SDR42E2: variants seen among roughly 807,000 people sequenced by gnomAD.
SDR42E2 encodes the protein short chain dehydrogenase/reductase family 42E, member 2.
In SDR42E2, 20 loss-of-function variants were observed where a neutral mutation model predicts 10.5. That is an observed-to-expected ratio of 1.90 (90% CI 1.34 to 2.77). The LOEUF (loss-of-function observed/expected upper bound fraction) is 2.77. Among genes scored for constraint, SDR42E2 ranks in the 30% most tolerant of loss-of-function variants. The pLI, the probability that SDR42E2 is intolerant of heterozygous loss-of-function variation, is 0.00. For synonymous variants in SDR42E2, 72 were observed against 39.2 expected (o/e 1.84, Z -3.12); for missense variants, 162 against 104.2 (o/e 1.55, Z -2.42).
intron 8 of SDR42E2, among the ~76,000 whole-genome samples, chr16:22,179,869 G>T (rs549254218): frequency 1.3e-5 from 2 of 151,980 alleles, no homozygotes; most frequent in Admixed American, 6.6e-5. Flanking sequence ...AAAAAGCGAG[G>T]TAGGGTGAGG....
chr16:22,176,201 C>T (rs2046643924), intron 7 of SDR42E2, among the ~76,000 whole-genome samples: 1 of 152,132 alleles, frequency 6.6e-6, no homozygotes, highest in Admixed American at 6.5e-5. Flanking sequence ...TCACTGCAGC[C>T]TCAAAGTCTT....
At chr16:22,167,826 C>T (rs1394090479) in intron 4 of SDR42E2, among the ~76,000 whole-genome samples, 1 of 152,072 alleles carries the variant, frequency 6.6e-6, no homozygotes, top group African/African-American at 2.4e-5. Context: ...TTCCAAGGTG[C>T]AAAGCAGTGT....
chr16:22,163,033 G>C (rs540307273), intron 1 of SDR42E2, among the ~76,000 whole-genome samples: 3 of 152,288 alleles, frequency 2.0e-5, no homozygotes, highest in East Asian at 1.9e-4. Context: ...TCCAGGGAAT[G>C]AAATCCTCCT....
chr16:22,184,474 C>T (rs1437316408), intron 11 of SDR42E2, among the ~76,000 whole-genome samples: 1 of 151,996 alleles, frequency 6.6e-6, no homozygotes. Flanking sequence ...TGGTGGCGCA[C>T]GCCTGTATTC....
chr16:22,165,482 G>A (rs1415040544), intron 1 of SDR42E2, 65 bp from the exon 2 acceptor site: 1 of 399,200 alleles, frequency 2.5e-6, no homozygotes, highest in African/African-American at 2.1e-5. Flanking sequence ...AGTCCTAGAG[G>A]TCTAATAATT....
intron 2 of SDR42E2, 36 bp from the exon 3 acceptor site, chr16:22,166,214 C>T (rs1277535739): frequency 1.5e-5 from 6 of 407,242 alleles, no homozygotes; most frequent in Non-Finnish European, 2.6e-5. Context: ...GGGACTGGGC[C>T]CAGACCCAGT....
intron 12 of SDR42E2, among the ~76,000 whole-genome samples, chr16:22,189,504 G>T (rs777942132): frequency 1.7e-4 from 26 of 152,190 alleles, no homozygotes; most frequent in Non-Finnish European, 3.1e-4. Flanking sequence ...CAAATGCAGG[G>T]TGTGTGTTCC....
At chr16:22,166,217 G>T in intron 2 of SDR42E2, 33 bp from the exon 3 acceptor site, 2 of 406,076 alleles carry the variant, frequency 4.9e-6, no homozygotes, top group South Asian at 2.2e-4. Context: ...ACTGGGCCCA[G>T]ACCCAGTGAG....
At chr16:22,164,911 C>T (rs1287509737) in intron 1 of SDR42E2, among the ~76,000 whole-genome samples, 2 of 152,148 alleles carry the variant, frequency 1.3e-5, no homozygotes, top group Non-Finnish European at 1.5e-5. Context: ...TTTGGTACTC[C>T]ATGGAAACTG....
At chr16:22,169,874 T>C (rs2046580592) in intron 5 of SDR42E2, among the ~76,000 whole-genome samples, 1 of 151,274 alleles carries the variant, frequency 6.6e-6, no homozygotes, top group Non-Finnish European at 1.5e-5. Flanking sequence ...CTACTAAAAA[T>C]ACAAAAAATT....
At chr16:22,182,933 A>G (rs149096861) in intron 10 of SDR42E2, among the ~76,000 whole-genome samples, 2 of 152,040 alleles carry the variant, frequency 1.3e-5, no homozygotes, top group African/African-American at 2.4e-5. Context: ...TGAGCCCAGG[A>G]GTTCAAGGCT....
At chr16:22,172,395 C>T (rs952241048) in intron 7 of SDR42E2, 64 bp downstream of exon 7, 2 of 702,860 alleles carry the variant, frequency 2.8e-6, no homozygotes, top group African/African-American at 3.5e-5. Flanking sequence ...CTCCAAAATA[C>T]ATGTGTGATT....
intron 11 of SDR42E2, among the ~76,000 whole-genome samples, chr16:22,185,635 T>C (rs1205563139): frequency 6.6e-6 from 1 of 152,010 alleles, no homozygotes; most frequent in East Asian, 1.9e-4. Flanking sequence ...AGAGTTAGGG[T>C]CTTGCACTGC....
intron 8 of SDR42E2, among the ~76,000 whole-genome samples, chr16:22,178,481 A>G (rs2046664962): frequency 1.3e-5 from 2 of 152,338 alleles, no homozygotes; most frequent in South Asian, 2.1e-4. Flanking sequence ...AAGGCAGAAG[A>G]GAGCCTGTTG....
At chr16:22,186,252 C>T (rs1170202201) in intron 11 of SDR42E2, among the ~76,000 whole-genome samples, 1 of 151,634 alleles carries the variant, frequency 6.6e-6, no homozygotes, top group East Asian at 1.9e-4. Flanking sequence ...TGTTGCCCAG[C>T]CTGGAGTGCA....
At chr16:22,172,390 A>G (rs2046609315) in intron 7 of SDR42E2, 59 bp downstream of exon 7, 1 of 703,190 alleles carries the variant, frequency 1.4e-6, no homozygotes, top group Non-Finnish European at 2.6e-6. Flanking sequence ...GCCTCCTCCA[A>G]AATACATGTG....
chr16:22,177,676 A>G (rs1446605355), intron 7 of SDR42E2, among the ~76,000 whole-genome samples: 1 of 151,804 alleles, frequency 6.6e-6, no homozygotes, highest in African/African-American at 2.4e-5. Flanking sequence ...AGGAAAAGGA[A>G]AAAGAGAGAC....
In SDR42E2 at chr16:22,182,780, G is replaced by A. The variant is rs138112375; in HGVS notation, c.876+503G>A. Among the ~76,000 whole-genome samples the A allele has an allele frequency of 4.1e-3, 617 of 152,192 alleles. 5 individuals carry two copies. The highest frequency in any genetic ancestry group is 0.014 in the African/African-American group (567 of 41,548). ...TTTGGGAGGCTAACACGGGAGGATC[G>A]CTTGAGGCCAGGAGTTTGAGACCAA... On this transcript the variant is annotated intron_variant, in intron 10 of 12. Coordinates refer to ENST00000602312, the MANE Select transcript of SDR42E2 (RefSeq NM_001394319.2).
intron 8 of SDR42E2, among the ~76,000 whole-genome samples, chr16:22,179,748 G>A (rs1044880179): frequency 6.6e-5 from 10 of 151,696 alleles, no homozygotes; most frequent in South Asian, 2.1e-4. Context: ...GGGATGGGGA[G>A]GTTGCAGTGA....
Sources: gnomAD v4.1 joint callset for allele counts (sites outside exome capture counted in the v4.1 genomes callset) on GRCh38, gnomAD v4.1.1 for gene constraint, MANE v1.5 for transcripts, NCBI Gene and HGNC (gene_info 2026-07-23, HGNC 2026-07-21) for gene names.